Variants in RBPJ observed in about 807,000 individuals in gnomAD.
RBPJ encodes recombination signal binding protein for immunoglobulin kappa J region, also known as recombining binding protein suppressor of hairless.
A neutral mutation model predicts 67.8 loss-of-function variants in RBPJ; 9 were observed. The ratio of observed to expected loss-of-function variants is 0.13; its 90% CI spans 0.08 to 0.23. The LOEUF is 0.23. Ranked by LOEUF, RBPJ falls within the 10% of genes least tolerant of loss-of-function variation. The pLI, the probability that RBPJ is intolerant of heterozygous loss-of-function variation, is 1.00. For missense variants in RBPJ, 305 were observed against 595.6 expected, an observed-to-expected ratio of 0.51 and a Z score of 5.08; for synonymous variants, 198 against 203.3, an observed-to-expected ratio of 0.97 and a Z score of 0.22.
chr4:26,258,364 A>G (rs1720414305), intron 1 of RBPJ, among the ~76,000 whole-genome samples: 1 of 152,314 alleles, frequency 6.6e-6, no homozygotes, highest in South Asian at 2.1e-4. Context: ...AGGGCTCACA[A>G]TCAAACCTCC....
intron 1 of RBPJ, among the ~76,000 whole-genome samples, chr4:26,308,378 T>G (rs1178940210): frequency 2.0e-5 from 3 of 152,216 alleles, no homozygotes; most frequent in Non-Finnish European, 4.4e-5. Flanking sequence ...AAACAAAGTA[T>G]GTACTTAATA....
chr4:26,214,380 AAAG>A (rs1407246911), intron 1 of RBPJ, among the ~76,000 whole-genome samples: 1 of 132,654 alleles, frequency 7.5e-6, no homozygotes, highest in Non-Finnish European at 1.6e-5. Flanking sequence ...AAGGAGAGAG[AAAG>A]AAGGGGAGGG....
intron 2 of RBPJ, among the ~76,000 whole-genome samples, chr4:26,393,110 G>A (rs957246770): frequency 2.0e-5 from 3 of 152,130 alleles, no homozygotes; most frequent in Admixed American, 1.3e-4. Flanking sequence ...GCTTCCCAAG[G>A]TGCTGGGATT....
At chr4:26,124,283 T>A in the RBPJ span, among the ~76,000 whole-genome samples, 1 of 151,668 alleles carries the variant, frequency 6.6e-6, no homozygotes, top group African/African-American at 2.4e-5. Flanking sequence ...AGCTCCCACT[T>A]ATGAGTGAGA....
chr4:26,382,730 G>T lies in RBPJ; in HGVS notation c.21-3623G>T, dbSNP rs146574075. On this transcript the variant is annotated intron_variant, in intron 1 of 10. Transcript: ENST00000355476. ...TATTTTTTGTATTTTTAGAAGAGAC[G>T]GGGTTTTGCTATGTTATCCAGGCTG... Among the ~76,000 whole-genome samples, 1,208 of 152,182 alleles carry T rather than the reference G, an allele frequency of 7.9e-3. 23 individuals are homozygous for T. Among genetic ancestry groups the T allele is most frequent in the African/African-American group, 0.028 (1,165 of 41,510 alleles).
chr4:26,319,718 CATGCGCAGT>C, upstream of RBPJ: 1 of 733,858 alleles, frequency 1.4e-6, no homozygotes, highest in Non-Finnish European at 2.5e-6. Context: ...GCATTGGGTA[CATGCGCAGT>C]GCCGCTCGCG....
At chr4:26,368,894 A>G (rs1392399721) in intron 1 of RBPJ, among the ~76,000 whole-genome samples, 1 of 152,246 alleles carries the variant, frequency 6.6e-6, no homozygotes, top group Admixed American at 6.5e-5. Flanking sequence ...GACTGGGTGC[A>G]AGCAGAACAC....
At chr4:26,175,267 A>G (rs1716754075) in intron 1 of RBPJ, among the ~76,000 whole-genome samples, 1 of 152,138 alleles carries the variant, frequency 6.6e-6, no homozygotes, top group Non-Finnish European at 1.5e-5. Flanking sequence ...GAGGAGGGAA[A>G]TTATACCCTG....
At chr4:26,397,188 C>T (rs925077905) in intron 2 of RBPJ, among the ~76,000 whole-genome samples, 2 of 152,184 alleles carry the variant, frequency 1.3e-5, no homozygotes, top group Non-Finnish European at 2.9e-5. Flanking sequence ...GATTGAGACA[C>T]GCTTCTTTGT....
At chr4:26,378,018 G>T (rs1019697613) in intron 1 of RBPJ, among the ~76,000 whole-genome samples, 1 of 152,040 alleles carries the variant, frequency 6.6e-6, no homozygotes, top group African/African-American at 2.4e-5. Context: ...GAGAAATGTA[G>T]ACCTCATTTC....
Position 26,420,542 on chromosome 4 carries a change from C to T in RBPJ, c.322-9C>T. Reference sequence around the variant, plus strand: ...TTGCTGCTGTTAAAACTTTACTTTTCTTTCACAGAACTATTGCACAGCCAA... The same window carrying T: ...TTGCTGCTGTTAAAACTTTACTTTTTTTTCACAGAACTATTGCACAGCCAA... On this transcript the variant is annotated splice_polypyrimidine_tract_variant and intron_variant, in intron 4 of 10. Coordinates refer to ENST00000355476, the MANE Select transcript of RBPJ (RefSeq NM_015874.6). The T allele has an allele frequency of 6.3e-7, 1 of 1,576,060 alleles. No individual in the cohort carries two copies. The highest frequency in any genetic ancestry group is 8.6e-7 in the Non-Finnish European group (1 of 1,161,690).
chr4:26,414,424 C>T (rs534017711), intron 3 of RBPJ, among the ~76,000 whole-genome samples: 1 of 152,290 alleles, frequency 6.6e-6, no homozygotes, highest in South Asian at 2.1e-4. Flanking sequence ...CTGCCTCTGC[C>T]TCCCAAAGTG....
At position 26,339,908 on chromosome 4, in the gene RBPJ, A is replaced by G. The variant is rs890236945; in HGVS notation, c.20+18860A>G. 1.2e-4 allele frequency among the ~76,000 whole-genome samples: 19 copies of G among 152,044 alleles called. 1 individual carries two copies. The highest frequency in any genetic ancestry group is 6.6e-4 in the Admixed American group (10 of 15,266). On this transcript the variant is annotated intron_variant, in intron 1 of 10. Transcript: ENST00000355476. ...ATGGCGGTTGCCTGTAATACCAGCT[A>G]CTTGGGAGGCTCAGGCAGGAGAATT...
intron 1 of RBPJ, among the ~76,000 whole-genome samples, chr4:26,230,066 T>C (rs1210138295): frequency 6.6e-6 from 1 of 151,888 alleles, no homozygotes; most frequent in Non-Finnish European, 1.5e-5. Context: ...GGCGTGCACC[T>C]ATAATCTCAG....
At chr4:26,130,724 C>G in the RBPJ span, among the ~76,000 whole-genome samples, 21 of 152,294 alleles carry the variant, frequency 1.4e-4, 1 homozygote, top group Middle Eastern at 3.4e-3. Context: ...ACCACCGTCA[C>G]TCTGTGAGAG....
chr4:26,244,343 A>G lies in RBPJ; in HGVS notation c.-167+80729A>G, dbSNP rs202151306. Among the ~76,000 whole-genome samples, 46 of 95,514 alleles carry G rather than the reference A, an allele frequency of 4.8e-4. 2 individuals are homozygous for G. Among genetic ancestry groups the G allele is most frequent in the Admixed American group, 8.2e-4 (7 of 8,584 alleles). The allele number at this position is 95,514 out of a possible 152,430, so 62.7% of individuals were successfully genotyped here. On this transcript the variant is annotated intron_variant, in intron 1 of 4. Coordinates refer to the RBPJ transcript ENST00000512351. ...TATGTATACACATATGTGTACACAT[A>G]TGTGTGTATATATATGTATGCACAT...
chr4:26,138,449 A>AG, the RBPJ span, among the ~76,000 whole-genome samples: 7 of 151,870 alleles, frequency 4.6e-5, no homozygotes, highest in African/African-American at 1.7e-4. Flanking sequence ...ACTTCTTGGT[A>AG]GCTGCTCTGG....
At chr4:26,244,640 T>C (rs971043462) in intron 1 of RBPJ, among the ~76,000 whole-genome samples, 9 of 152,166 alleles carry the variant, frequency 5.9e-5, no homozygotes, top group Non-Finnish European at 1.5e-5. Context: ...TTTCTTTCTT[T>C]CTTTTAAGAT....
At chr4:26,191,765 CTT>C (rs1717560679) in intron 1 of RBPJ, among the ~76,000 whole-genome samples, 1 of 152,178 alleles carries the variant, frequency 6.6e-6, no homozygotes, top group Non-Finnish European at 1.5e-5. Flanking sequence ...TAAAGGCACT[CTT>C]TGCCTACCAC....
Sources: allele counts gnomAD v4.1 joint callset (sites outside exome capture counted in the v4.1 genomes callset), GRCh38; gene constraint gnomAD v4.1.1; transcripts MANE v1.5; gene names NCBI Gene and HGNC (gene_info 2026-07-23, HGNC 2026-07-21).